DYNC1H1: variants seen among roughly 807,000 people sequenced by gnomAD.
The protein encoded by DYNC1H1 is dynein cytoplasmic 1 heavy chain 1, also known as cytoplasmic dynein 1 heavy chain 1.
In DYNC1H1, 51 loss-of-function variants were observed where a neutral mutation model predicts 527.1. The ratio of observed to expected loss-of-function variants is 0.10; its 90% CI spans 0.08 to 0.12. The LOEUF (loss-of-function observed/expected upper bound fraction) is 0.12, where lower values mean the gene tolerates loss of function less well. Among genes scored for constraint, DYNC1H1 ranks in the 10% least tolerant of loss-of-function variants. The pLI is 1.00. For missense variants in DYNC1H1, 2,771 were observed against 5,971.8 expected, an observed-to-expected ratio of 0.46 and a Z score of 17.66; for synonymous variants, 2,189 against 2,278.8, an observed-to-expected ratio of 0.96 and a Z score of 1.12.
intron 1 of DYNC1H1, among the ~76,000 whole-genome samples, chr14:101,973,350 G>C (rs910136268): frequency 6.6e-6 from 1 of 151,986 alleles, no homozygotes; most frequent in East Asian, 1.9e-4. Context: ...AGTAGGTATA[G>C]GGTTTCACCA....
At chr14:102,043,170 CT>C (rs1303725575) in intron 69 of DYNC1H1, 1 of 310,862 alleles carries the variant, frequency 3.2e-6, no homozygotes, top group Non-Finnish European at 6.3e-6. Flanking sequence ...ATAATCCCAG[CT>C]ACTGGGGAGG....
At chr14:101,989,032 C>T (rs995219350) in intron 10 of DYNC1H1, among the ~76,000 whole-genome samples, 180 bp downstream of exon 10, 3 of 152,178 alleles carry the variant, frequency 2.0e-5, no homozygotes, top group Non-Finnish European at 2.9e-5. Flanking sequence ...TGATGTGATG[C>T]GATGGGAAGG....
At chr14:101,992,882 T>C (rs1471208082) in intron 11 of DYNC1H1, among the ~76,000 whole-genome samples, 1 of 152,174 alleles carries the variant, frequency 6.6e-6, no homozygotes, top group Non-Finnish European at 1.5e-5. Flanking sequence ...CTCTTTTGCC[T>C]TCCCCTTAAA....
Position 102,027,607 on chromosome 14 carries a change from G to T in DYNC1H1, c.9049-12G>T, listed in dbSNP as rs766015574. ...CGGGGGACCAGTAAGTCAGCACTGT[G>T]CTGTTTCCCAGGTGCCTGGTCTCTT... On this transcript the variant is annotated splice_polypyrimidine_tract_variant and intron_variant, in intron 46 of 77. Transcript: ENST00000360184. This position sits in a 1 kb window ranked among gnomAD's most constrained non-coding sequence, Gnocchi z 7.7. The T allele has an allele frequency of 2.1e-5, 34 of 1,614,056 alleles. No individual in the cohort carries two copies. Among genetic ancestry groups the T allele is most frequent in the Non-Finnish European group, 2.0e-5 (24 of 1,180,044 alleles).
At chr14:101,999,639 G>T (rs1475162714) in intron 16 of DYNC1H1, among the ~76,000 whole-genome samples, 8 of 152,264 alleles carry the variant, frequency 5.3e-5, no homozygotes, top group Non-Finnish European at 1.0e-4. Context: ...GGAAGTTGTG[G>T]CTGGCAGGCC....
At chr14:102,047,137 T>C (rs1218314546) in intron 72 of DYNC1H1, among the ~76,000 whole-genome samples, 1 of 150,466 alleles carries the variant, frequency 6.6e-6, no homozygotes, top group Non-Finnish European at 1.5e-5. Context: ...GTGGCTGTCT[T>C]GCTGGGTCAG....
rs1432813058 is a variant in DYNC1H1 at position 101,983,528 on chromosome 14, G to A, written c.1380G>A (p.Gln460=). The part of the protein sequence containing the change: ...WRINPAHRKL[Q]ARLDQMRKFR... ...TCAACCCTGCCCACAGGAAGCTGCAGGCCCGCCTTGACCAGATGAGAAAAT... is the reference window on the plus strand; with the variant it reads ...TCAACCCTGCCCACAGGAAGCTGCAAGCCCGCCTTGACCAGATGAGAAAAT... The change falls in exon 7 of 78, where the codon CAG becomes CAA. Residue 460 remains glutamine (Q), a synonymous_variant. Coordinates refer to ENST00000360184, the MANE Select transcript of DYNC1H1 (RefSeq NM_001376.5). The surrounding 1 kb of genome is among the most constrained non-coding windows in gnomAD (Gnocchi z 5.3). 1.3e-5 allele frequency: 21 copies of A among 1,614,086 alleles called. No individual in the cohort carries two copies. The highest frequency in any genetic ancestry group is 1.8e-5 in the Non-Finnish European group (21 of 1,180,054).
chr14:101,983,567 T>C lies in DYNC1H1; in HGVS notation c.1419T>C (p.His473=). The change falls in exon 7 of 78, where the codon CAT becomes CAC. Residue 473 remains histidine, a synonymous_variant. Coordinates refer to ENST00000360184, the MANE Select transcript of DYNC1H1 (RefSeq NM_001376.5). The surrounding 1 kb of genome is among the most constrained non-coding windows in gnomAD (Gnocchi z 5.3). The part of the protein sequence containing the change: ...LDQMRKFRRQ[H]EQLRAVIVRV... Reference sequence around the variant, plus strand: ...AGATGAGAAAATTTAGACGCCAGCATGAACAGCTAAGAGCTGTTATCGTCA... The same window carrying C: ...AGATGAGAAAATTTAGACGCCAGCACGAACAGCTAAGAGCTGTTATCGTCA... The C allele has an allele frequency of 1.2e-6, 2 of 1,614,174 alleles. No individual in the cohort carries two copies. Among genetic ancestry groups the C allele is most frequent in the East Asian group, 2.2e-5 (1 of 44,886 alleles).
At chr14:101,999,677 G>C (rs1478324495) in intron 16 of DYNC1H1, among the ~76,000 whole-genome samples, 2 of 152,140 alleles carry the variant, frequency 1.3e-5, no homozygotes, top group African/African-American at 4.8e-5. Context: ...TCTATCACTG[G>C]GGATGTGCAC....
chr14:102,038,555 C>T lies in DYNC1H1; in HGVS notation c.11004C>T (p.Asp3668=), dbSNP rs777673040. 4.3e-6 allele frequency: 7 copies of T among 1,614,160 alleles called. No individual in the cohort carries two copies. In the South Asian group the frequency reaches 6.6e-5, roughly 15 times the overall value. The part of the protein sequence containing the change: ...GRVLITLGDQ[D]IDLSPSFVIF... ...TGCTGATCACTCTCGGGGACCAGGA[C>T]ATAGACCTGTCGCCATCGTTTGTCA... The change falls in exon 58 of 78, where the codon GAC becomes GAT. Residue 3668 remains aspartate, a synonymous_variant. Coordinates refer to ENST00000360184, the MANE Select transcript of DYNC1H1 (RefSeq NM_001376.5). The surrounding 1 kb of genome is among the most constrained non-coding windows in gnomAD (Gnocchi z 7.2).
rs189352005 is a variant in DYNC1H1 at position 102,020,483 on chromosome 14, A to G, written c.8507+427A>G. Among the ~76,000 whole-genome samples, 1 of 152,182 alleles carries G rather than the reference A, an allele frequency of 6.6e-6. No homozygotes were observed. The highest frequency in any genetic ancestry group is 1.5e-5 in the Non-Finnish European group (1 of 68,032). ...CACTGCTGAGTTAAAAGGTCTCCCA[A>G]CAACTGCCCAGTGTGCGTGTTCCGT... On this transcript the variant is annotated intron_variant, in intron 42 of 77. Transcript: ENST00000360184. This position sits in a 1 kb window ranked among gnomAD's most constrained non-coding sequence, Gnocchi z 4.3.
Position 102,010,726 on chromosome 14 carries a change from C to T in DYNC1H1, c.6406-14C>T, listed in dbSNP as rs1444620278. 1 of 1,612,052 alleles carries T rather than the reference C, an allele frequency of 6.2e-7. No individual in the cohort carries two copies. Among genetic ancestry groups the T allele is most frequent in the African/African-American group, 1.3e-5 (1 of 74,872 alleles). ...CCATGCTGCGCTGCTCACAGCCCAG[C>T]CCTCTCCCCGTAGATTCTGATACAG... On this transcript the variant is annotated splice_polypyrimidine_tract_variant and intron_variant, in intron 31 of 77. Coordinates refer to ENST00000360184, the MANE Select transcript of DYNC1H1 (RefSeq NM_001376.5). The surrounding 1 kb of genome is among the most constrained non-coding windows in gnomAD (Gnocchi z 6.0).
At chr14:101,998,903 AC>A (rs2048098168) in intron 16 of DYNC1H1, among the ~76,000 whole-genome samples, 1 of 85,010 alleles carries the variant, frequency 1.2e-5, no homozygotes, top group African/African-American at 8.0e-5. Flanking sequence ...TTTTTTTGAG[AC>A]GGAGTCTTGC....
Position 102,010,588 on chromosome 14 carries a change from ATGT to A in DYNC1H1, c.6405+132_6405+134del. 1 of 1,500,790 alleles carries A rather than the reference ATGT, an allele frequency of 6.7e-7. No homozygotes were observed. Among genetic ancestry groups the A allele is most frequent in the Admixed American group, 1.9e-5 (1 of 52,012 alleles). 93.0% of individuals were successfully genotyped at this position (1,500,790 alleles called of 1,614,324 possible). A position where few individuals can be genotyped will look rare whatever the true frequency, so the allele number is the denominator to read the frequency against. On this transcript the variant is annotated intron_variant, in intron 31 of 77. Transcript: ENST00000360184. The surrounding 1 kb of genome is among the most constrained non-coding windows in gnomAD (Gnocchi z 6.0). ...CTTGGGATGGCTGAAATAGACTGTA[ATGT>A]TGACCCAGTGAGTCGAGTGCACGAA... is the stretch of plus-strand genomic sequence containing the variant.
chr14:101,994,424 A>G (rs1397409183), intron 12 of DYNC1H1, 100 bp downstream of exon 12: 2 of 1,551,086 alleles, frequency 1.3e-6, no homozygotes, highest in Non-Finnish European at 1.8e-6. Context: ...TCTTGACTGT[A>G]TGTATGGTTC....
chr14:101,986,190 C>T lies in DYNC1H1; in HGVS notation c.1965C>T (p.Asp655=). 1 of 1,614,182 alleles carries T rather than the reference C, an allele frequency of 6.2e-7. No homozygotes were observed. Among genetic ancestry groups the T allele is most frequent in the African/African-American group, 1.3e-5 (1 of 75,044 alleles). The part of the protein sequence containing the change: ...SGSIIWAKQI[D]RQLTAYMKRV... ...CTATCATCTGGGCTAAACAGATCGA[C>T]AGGCAGCTGACGGCCTACATGAAGC... Residue 655 remains aspartate, a synonymous_variant, in exon 8 of 78, where the codon GAC becomes GAT. Transcript: ENST00000360184. The surrounding 1 kb of genome is among the most constrained non-coding windows in gnomAD (Gnocchi z 8.7).
intron 15 of DYNC1H1, among the ~76,000 whole-genome samples, 160 bp from the exon 16 acceptor site, chr14:101,996,875 A>C (rs1188406790): frequency 6.6e-6 from 1 of 151,012 alleles, no homozygotes; most frequent in Non-Finnish European, 1.5e-5. Flanking sequence ...CACCTGCCTC[A>C]GCCTCCCAAA....
rs1171938051 is a variant in DYNC1H1 at position 101,983,360 on chromosome 14, C to A, written c.1234-22C>A. The A allele has an allele frequency of 6.2e-7, 1 of 1,614,050 alleles. No homozygotes were observed. The highest frequency in any genetic ancestry group is 1.1e-5 in the South Asian group (1 of 91,066). On this transcript the variant is annotated intron_variant, in intron 6 of 77. Coordinates refer to ENST00000360184, the MANE Select transcript of DYNC1H1 (RefSeq NM_001376.5). The surrounding 1 kb of genome is among the most constrained non-coding windows in gnomAD (Gnocchi z 5.3). ...GAAAATATGTCTTAATAATAAGCCTCACTTTTGAAATTATATCCTAGGTTA... is the reference window on the plus strand; with the variant it reads ...GAAAATATGTCTTAATAATAAGCCTAACTTTTGAAATTATATCCTAGGTTA...
In DYNC1H1 at chr14:102,015,059, T is replaced by G; in HGVS notation, c.7015-46T>G. On this transcript the variant is annotated intron_variant, in intron 34 of 77. Transcript: ENST00000360184. This position sits in a 1 kb window ranked among gnomAD's most constrained non-coding sequence, Gnocchi z 6.9. The stretch of plus-strand genomic sequence containing the variant: ...GTAAAAGAATCTTAATGTCCAGGTT[T>G]CTTCCAAACCTATGTCATTAAATCT... The G allele has an allele frequency of 6.2e-7, 1 of 1,607,714 alleles. No individual in the cohort carries two copies. Among genetic ancestry groups the G allele is most frequent in the Non-Finnish European group, 8.5e-7 (1 of 1,174,266 alleles).
Sources: gnomAD v4.1 joint callset for allele counts (sites outside exome capture counted in the v4.1 genomes callset) on GRCh38, gnomAD v4.1.1 for gene constraint, Gnocchi (gnomAD v3.1) non-coding constraint, MANE v1.5 for transcripts, NCBI Gene and HGNC (gene_info 2026-07-23, HGNC 2026-07-21) for gene names.